NHSL1: variants seen among roughly 807,000 people sequenced by gnomAD.
NHSL1 encodes NHS like 1.
In NHSL1, 48 loss-of-function variants were observed where a neutral mutation model predicts 95.0. The observed-to-expected ratio is 0.51, with a 90% CI of 0.40 to 0.64. The LOEUF (loss-of-function observed/expected upper bound fraction) is 0.64. NHSL1 is among the 30% of genes least tolerant of loss of function. The probability of loss-of-function intolerance (pLI) is 0.00; values close to 1 mark genes in which losing one functional copy is unlikely to be tolerated. For missense variants in NHSL1, 1,971 were observed against 2,077.7 expected (o/e 0.95, Z 1.00); for synonymous variants, 783 against 833.9 (o/e 0.94, Z 1.05).
At chr6:138,629,304 C>T (rs574108294) in intron 1 of NHSL1, among the ~76,000 whole-genome samples, 3 of 152,242 alleles carry the variant, frequency 2.0e-5, no homozygotes, top group Middle Eastern at 3.4e-3. Context: ...ATTTCAATGA[C>T]GGTCATATCC....
At chr6:138,588,028 C>T (rs1024782393) in intron 1 of NHSL1, among the ~76,000 whole-genome samples, 10 of 152,360 alleles carry the variant, frequency 6.6e-5, no homozygotes, top group African/African-American at 1.9e-4. Context: ...CGCCCCTTGG[C>T]GGCAGGAATC....
In NHSL1 at chr6:138,496,328, G is replaced by A. The variant is rs979673329; in HGVS notation, c.102C>T (p.Tyr34=). 6.4e-7 allele frequency: 1 copy of A among 1,550,644 alleles called. No homozygotes were observed. Residue 34 remains tyrosine (Y), a synonymous_variant, in exon 2 of 8, where the codon TAC becomes TAT. Transcript: ENST00000343505. ...TCTCCTGCTGGTGCCACGGGGCAGTGTAGTGGACTGTCCATCGGCTTTCCT... is the reference window on the plus strand; with the variant it reads ...TCTCCTGCTGGTGCCACGGGGCAGTATAGTGGACTGTCCATCGGCTTTCCT... ...LDEESRWTVH[Y]TAPWHQQENV...
chr6:138,514,369 A>T lies in NHSL1; in HGVS notation c.17-17998T>A, dbSNP rs184578569. ...AAACAAACTTTATTCTTAGGATGTT[A>T]AAAAAAATACAGTAGTTCTCCCTTA... On this transcript the variant is annotated intron_variant, in intron 1 of 4. Transcript: ENST00000342260. Among the ~76,000 whole-genome samples the T allele has an allele frequency of 6.9e-4, 105 of 151,888 alleles. 2 individuals carry two copies. The East Asian group carries it at 0.019, about 27-fold the overall frequency.
intron 3 of NHSL1, among the ~76,000 whole-genome samples, chr6:138,469,958 A>G (rs1288297552): frequency 6.6e-6 from 1 of 152,160 alleles, no homozygotes; most frequent in African/African-American, 2.4e-5. Flanking sequence ...TGTTAAGGAA[A>G]GAAGGGAGTG....
chr6:138,456,749 A>T (rs1052856566), intron 3 of NHSL1, among the ~76,000 whole-genome samples: 3 of 152,238 alleles, frequency 2.0e-5, no homozygotes, highest in African/African-American at 7.2e-5. Flanking sequence ...TTCAAATGCA[A>T]GAACCTCTTT....
intron 1 of NHSL1, among the ~76,000 whole-genome samples, chr6:138,647,668 C>A (rs1785037580): frequency 6.9e-6 from 1 of 145,922 alleles, no homozygotes; most frequent in Non-Finnish European, 1.5e-5. Flanking sequence ...GTGGCATAAT[C>A]TCGCCTCACT....
chr6:138,514,210 C>G (rs1245230408), intron 1 of NHSL1, among the ~76,000 whole-genome samples: 13 of 152,002 alleles, frequency 8.6e-5, no homozygotes, highest in Admixed American at 8.5e-4. Context: ...GCCAGGTACT[C>G]AGGAGGCTGA....
At chr6:138,673,040 TAGATA>T (rs1204637979) in intron 1 of NHSL1, among the ~76,000 whole-genome samples, 2 of 4,882 alleles carry the variant, frequency 4.1e-4, no homozygotes, top group Non-Finnish European at 1.1e-3. Context: ...GGTAGATAGA[TAGATA>T]GATAGATAGA....
chr6:138,632,518 C>T lies in NHSL1; in HGVS notation c.96+59958G>A, dbSNP rs1202263617. ...CCACCCCCAACCAGGTGGCTCAGAACAGAAAGAGGAACCTTTTTTGGGAGA... is the reference window on the plus strand; with the variant it reads ...CCACCCCCAACCAGGTGGCTCAGAATAGAAAGAGGAACCTTTTTTGGGAGA... On this transcript the variant is annotated intron_variant, in intron 1 of 3. Transcript: ENST00000491526. Among the ~76,000 whole-genome samples, 4 of 152,164 alleles carry T rather than the reference C, an allele frequency of 2.6e-5. No individual in the cohort carries two copies. In the East Asian group the frequency reaches 5.8e-4, roughly 22 times the overall value.
At chr6:138,447,271 A>T (rs2277087) in intron 3 of NHSL1, 78 bp from the exon 4 acceptor site, 247,368 of 1,228,352 alleles carry the variant, frequency 0.2, 29,055 homozygotes, top group East Asian at 0.51. Flanking sequence ...TCTTATTTTT[A>T]AAAAAATTGG....
intron 1 of NHSL1, among the ~76,000 whole-genome samples, chr6:138,610,826 C>T (rs1238524186): frequency 1.3e-5 from 2 of 151,980 alleles, no homozygotes; most frequent in Admixed American, 6.6e-5. Flanking sequence ...GCCTGTAATC[C>T]CAGCAATTTG....
In NHSL1 at chr6:138,531,206, A is replaced by G. The variant is rs377258960; in HGVS notation, c.16+14417T>C. Among the ~76,000 whole-genome samples, 17 of 152,316 alleles carry G rather than the reference A, an allele frequency of 1.1e-4. 1 individual carries two copies. Among genetic ancestry groups the G allele is most frequent in the African/African-American group, 3.6e-4 (15 of 41,568 alleles). ...GTCTGAACTAAGATATAAATCAAAA[A>G]TTAAACTGTTTGTCTGCATTTTCTT... On this transcript the variant is annotated intron_variant, in intron 1 of 4. Transcript: ENST00000342260.
Position 138,432,300 on chromosome 6 carries a change from C to A in NHSL1, c.2045G>T (p.Arg682Leu), listed in dbSNP as rs183135718. ...PLPPSRTDSL[R>L]RIPKKSSQCN... ...CTGGCTGCTCTTCTTGGGAATCCTGCGGAGGGAGTCTGTCCGGGAGGGTGG... is the reference window on the plus strand; with the variant it reads ...CTGGCTGCTCTTCTTGGGAATCCTGAGGAGGGAGTCTGTCCGGGAGGGTGG... The change falls in exon 6 of 8, where the codon CGC (arginine) becomes CTC (leucine). Residue 682 changes from arginine (R) to leucine (L), a missense_variant. Arg to Leu is a moderately radical substitution (Grantham distance 102). Around this residue, in one of 3 missense-constraint regions of NHSL1, gnomAD observed 1,602 missense variants for 1,654.5 expected, o/e 0.97. Transcript: ENST00000343505. This position sits in a 1 kb window ranked among gnomAD's most constrained non-coding sequence, Gnocchi z 4.4. The A allele has an allele frequency of 6.6e-3, 10,204 of 1,551,424 alleles. 46 individuals are homozygous for A. The highest frequency in any genetic ancestry group is 7.9e-3 in the Non-Finnish European group (9,057 of 1,146,908).
chr6:138,431,907 A>G lies in NHSL1; in HGVS notation c.2438T>C (p.Val813Ala), dbSNP rs915792778. The G allele has an allele frequency of 2.6e-6, 4 of 1,551,706 alleles. No homozygotes were observed. Among genetic ancestry groups the G allele is most frequent in the South Asian group, 1.2e-5 (1 of 84,060 alleles). The change falls in exon 6 of 8, where the codon GTC (valine) becomes GCC (alanine). Residue 813 changes from valine to alanine, a missense_variant. Coordinates refer to ENST00000343505, the MANE Select transcript of NHSL1 (RefSeq NM_001144060.2). The surrounding 1 kb of genome is among the most constrained non-coding windows in gnomAD (Gnocchi z 4.0). Reference protein sequence around the residue: ...SSGVPTGNGPVRHVQEGSRAT... With the variant: ...SSGVPTGNGPARHVQEGSRAT... ...TCTGGACCCTTCTTGGACATGGCGGACTGGCCCGTTCCCAGTGGGCACCCC... is the reference window on the plus strand; with the variant it reads ...TCTGGACCCTTCTTGGACATGGCGGGCTGGCCCGTTCCCAGTGGGCACCCC...
intron 1 of NHSL1, among the ~76,000 whole-genome samples, chr6:138,666,326 C>T (rs1354228278): frequency 6.8e-6 from 1 of 147,866 alleles, no homozygotes; most frequent in African/African-American, 2.5e-5. Context: ...AAGGGCCAGG[C>T]GCGGTGGCTC....
At chr6:138,570,681 C>T (rs986802787) in intron 1 of NHSL1, among the ~76,000 whole-genome samples, 6 of 152,242 alleles carry the variant, frequency 3.9e-5, no homozygotes, top group Non-Finnish European at 5.9e-5. Context: ...AATTACTATA[C>T]TCATAAGCAC....
chr6:138,674,304 G>C (rs1785419415), intron 1 of NHSL1, among the ~76,000 whole-genome samples: 1 of 151,486 alleles, frequency 6.6e-6, no homozygotes, highest in African/African-American at 2.4e-5. Context: ...GTGTAATTTG[G>C]TTATTTTATT....
At chr6:138,476,957 T>TAAAA (rs58311101) in intron 2 of NHSL1, among the ~76,000 whole-genome samples, 12 of 100,558 alleles carry the variant, frequency 1.2e-4, no homozygotes, top group African/African-American at 1.5e-4. Context: ...TCCCTGAATC[T>TAAAA]AAAAAAAAAA....
chr6:138,692,385 C>T lies in NHSL1; in HGVS notation c.96+91G>A, dbSNP rs1785691059. 4 of 298,020 alleles carry T rather than the reference C, an allele frequency of 1.3e-5. No individual in the cohort carries two copies. Among genetic ancestry groups the T allele is most frequent in the African/African-American group, 8.9e-5 (4 of 44,736 alleles). 18.5% of individuals were successfully genotyped at this position (298,020 alleles called of 1,614,324 possible). On this transcript the variant is annotated intron_variant, in intron 1 of 3. Transcript: ENST00000491526. This position sits in a 1 kb window ranked among gnomAD's most constrained non-coding sequence, Gnocchi z 4.0. Reference sequence around the variant, plus strand: ...ACATCGCGGGGCTCCGCGGCCCCCGCGCCGACCCAGGGCCGCCAGGGGGCG... The same window carrying T: ...ACATCGCGGGGCTCCGCGGCCCCCGTGCCGACCCAGGGCCGCCAGGGGGCG...
Sources: allele counts gnomAD v4.1 joint callset (sites outside exome capture counted in the v4.1 genomes callset), GRCh38; gene constraint gnomAD v4.1.1; regional missense constraint gnomAD v4.1.1; non-coding constraint Gnocchi (gnomAD v3.1); transcripts MANE v1.5; gene names NCBI Gene and HGNC (gene_info 2026-07-23, HGNC 2026-07-21).